RGMA: variants seen among roughly 807,000 people sequenced by gnomAD.
RGMA encodes repulsive guidance molecule BMP co-receptor a.
A neutral mutation model predicts 23.2 loss-of-function variants in RGMA; 10 were observed. The observed-to-expected ratio is 0.43, with a 90% CI of 0.27 to 0.73. The LOEUF is 0.73. RGMA is among the 30% of genes least tolerant of loss of function. The pLI, the probability that RGMA is intolerant of heterozygous loss-of-function variation, is 0.20. For missense variants in RGMA, 547 were observed against 630.5 expected (o/e 0.87, Z 1.42); for synonymous variants, 308 against 279.3 (o/e 1.10, Z -1.03).
intron 1 of RGMA, among the ~76,000 whole-genome samples, chr15:93,082,740 C>A (rs980956197): frequency 6.6e-6 from 1 of 152,196 alleles, no homozygotes; most frequent in Non-Finnish European, 1.5e-5. Context: ...ATCCTAGAGA[C>A]CAAAGAAATT....
rs768669460 is a variant in RGMA at position 93,045,733 on chromosome 15, G to T, written c.646-28C>A. On this transcript the variant is annotated intron_variant, in intron 3 of 3. Coordinates refer to ENST00000329082, the MANE Select transcript of RGMA (RefSeq NM_020211.3). The surrounding 1 kb of genome is among the most constrained non-coding windows in gnomAD (Gnocchi z 6.9). ...GCCGGGGAAAGGGGCAGAGGAGAGTGGGTGAGGCACAGTGGGAGGAGGCAC... is the reference window on the plus strand; with the variant it reads ...GCCGGGGAAAGGGGCAGAGGAGAGTTGGTGAGGCACAGTGGGAGGAGGCAC... 6.5e-6 allele frequency: 10 copies of T among 1,543,834 alleles called. No individual in the cohort carries two copies. Among genetic ancestry groups the T allele is most frequent in the South Asian group, 1.1e-5 (1 of 89,592 alleles).
intron 2 of RGMA, among the ~76,000 whole-genome samples, chr15:93,064,277 C>T (rs540019139): frequency 1.6e-4 from 25 of 152,360 alleles, no homozygotes; most frequent in South Asian, 8.3e-4. Context: ...AGATAAGCTA[C>T]TCCGAGTTCC....
chr15:93,057,222 A>G (rs2055028830), intron 2 of RGMA, among the ~76,000 whole-genome samples: 1 of 151,928 alleles, frequency 6.6e-6, no homozygotes, highest in South Asian at 2.1e-4. Flanking sequence ...CCACTACCTC[A>G]CTCACGCCCA....
intron 1 of RGMA, chr15:93,073,659 C>G: frequency 6.5e-7 from 1 of 1,537,252 alleles, no homozygotes; most frequent in Non-Finnish European, 8.7e-7. Flanking sequence ...CTGAAAAACC[C>G]ACTTCCGAGT....
At chr15:93,087,397 G>A (rs1429199725) in intron 1 of RGMA, among the ~76,000 whole-genome samples, 1 of 138,640 alleles carries the variant, frequency 7.2e-6, no homozygotes, top group African/African-American at 2.7e-5. Flanking sequence ...TGGAGATCAT[G>A]TCCCTGTAAA....
At chr15:93,073,874 C>G in intron 1 of RGMA, 2 of 1,464,912 alleles carry the variant, frequency 1.4e-6, no homozygotes, top group Non-Finnish European at 1.8e-6. Context: ...GCCACCTTGG[C>G]ACAGCTGCCA....
At chr15:93,080,537 T>C (rs932702458) in intron 1 of RGMA, among the ~76,000 whole-genome samples, 3 of 152,196 alleles carry the variant, frequency 2.0e-5, no homozygotes, top group Non-Finnish European at 2.9e-5. Context: ...AGATCACAGC[T>C]GCTCCCCAGG....
chr15:93,088,815 C>G, intron 1 of RGMA, 104 bp downstream of exon 1: 1 of 1,096,748 alleles, frequency 9.1e-7, no homozygotes, highest in Non-Finnish European at 1.3e-6. Context: ...CAAGATGAGA[C>G]GCGGGGCTAA....
In RGMA at chr15:93,039,794, A is replaced by G. The variant is rs1161915941; in HGVS notation, c.*5204T>C. 3 of 152,202 alleles carry G rather than the reference A, an allele frequency of 2.0e-5. No homozygotes were observed. Among genetic ancestry groups the G allele is most frequent in the African/African-American group, 7.2e-5 (3 of 41,404 alleles). The allele number at this position is 152,202 out of a possible 1,614,324, so 9.4% of individuals were successfully genotyped here. On this transcript the variant is annotated 3_prime_UTR_variant, in exon 4 of 4. Coordinates refer to ENST00000329082, the MANE Select transcript of RGMA (RefSeq NM_020211.3). ...CCACATTTTCTTTATCCAGTCTATC[A>G]TTGAGCCCATTATTTCTGATAATCG...
At chr15:93,060,929 C>T (rs879710505) in intron 2 of RGMA, among the ~76,000 whole-genome samples, 2 of 152,212 alleles carry the variant, frequency 1.3e-5, no homozygotes, top group Admixed American at 6.5e-5. Flanking sequence ...TTGTGATTGT[C>T]GAGGATGGCC....
chr15:93,065,702 G>A (rs1895121555), intron 2 of RGMA: 4 of 1,186,908 alleles, frequency 3.4e-6, no homozygotes, highest in South Asian at 1.2e-5. Context: ...GGGTGGTTTC[G>A]TGGGCCCTGG....
Position 93,038,250 on chromosome 15 carries a change from G to A in RGMA, c.*6748C>T, listed in dbSNP as rs1054217733. The A allele has an allele frequency of 6.6e-5, 10 of 152,246 alleles. No individual in the cohort carries two copies. Among genetic ancestry groups the A allele is most frequent in the Admixed American group, 2.6e-4 (4 of 15,282 alleles). 9.4% of individuals were successfully genotyped at this position (152,246 alleles called of 1,614,324 possible). ...AGGTCTGTAGACTCCTGGTTAGAGG[G>A]TTTGGGGGGCAGGGGTCTTCCCATT... On this transcript the variant is annotated 3_prime_UTR_variant, in exon 4 of 4. Coordinates refer to ENST00000329082, the MANE Select transcript of RGMA (RefSeq NM_020211.3).
rs545676471 is a variant in RGMA, at chr15:93,039,253, A to G, written c.*5745T>C. On this transcript the variant is annotated 3_prime_UTR_variant, in exon 4 of 4. Coordinates refer to ENST00000329082, the MANE Select transcript of RGMA (RefSeq NM_020211.3). ...AACCTGCTCCTCCCATGATCTTTCC[A>G]GTCATGGTAAATGGCACCACCATTT... The G allele has an allele frequency of 2.6e-5, 4 of 152,072 alleles. No individual in the cohort carries two copies. Among genetic ancestry groups the G allele is most frequent in the Non-Finnish European group, 5.9e-5 (4 of 67,970 alleles). 9.4% of individuals were successfully genotyped at this position (152,072 alleles called of 1,614,324 possible). A position where few individuals can be genotyped will look rare whatever the true frequency, so the allele number is the denominator to read the frequency against.
intron 1 of RGMA, 89 bp downstream of exon 1, chr15:93,088,830 G>T: frequency 8.1e-7 from 1 of 1,238,474 alleles, no homozygotes; most frequent in Non-Finnish European, 1.1e-6. Flanking sequence ...GGCTAAGGAA[G>T]ACCAAAGCAG....
chr15:93,047,960 T>A (rs1389674232), intron 3 of RGMA, among the ~76,000 whole-genome samples: 1 of 151,990 alleles, frequency 6.6e-6, no homozygotes, highest in East Asian at 1.9e-4. Flanking sequence ...GAAGGTGGGG[T>A]CTGGCCAGGA....
chr15:93,080,001 TTTG>T (rs1895532845), intron 1 of RGMA, among the ~76,000 whole-genome samples: 1 of 152,126 alleles, frequency 6.6e-6, no homozygotes, highest in Non-Finnish European at 1.5e-5. Flanking sequence ...TCACCTGAGC[TTTG>T]ATGCTCCTTC....
At chr15:93,056,714 G>A (rs1456622027) in intron 2 of RGMA, among the ~76,000 whole-genome samples, 1 of 152,226 alleles carries the variant, frequency 6.6e-6, no homozygotes, top group Admixed American at 6.5e-5. Context: ...AGGCCCTGAA[G>A]GGAGGTGTCT....
intron 1 of RGMA, among the ~76,000 whole-genome samples, chr15:93,077,258 A>T (rs1447975088): frequency 6.6e-6 from 1 of 152,202 alleles, no homozygotes; most frequent in South Asian, 2.1e-4. Context: ...TTCTTTTGGG[A>T]GACCACTGTG....
In RGMA at chr15:93,071,659, G is replaced by C. The variant is rs1240954683; in HGVS notation, c.130+1257C>G. Among the ~76,000 whole-genome samples the C allele has an allele frequency of 3.3e-5, 5 of 152,224 alleles. No homozygotes were observed. The East Asian group carries it at 9.6e-4, about 29-fold the overall frequency. The stretch of plus-strand genomic sequence containing the variant: ...GCTCCCTACTGTTCACTGTCTGCGT[G>C]GTCCGCCCATTGGGAGCCCCAACTC... On this transcript the variant is annotated intron_variant, in intron 2 of 3. Coordinates refer to ENST00000329082, the MANE Select transcript of RGMA (RefSeq NM_020211.3).
Sources: allele counts gnomAD v4.1 joint callset (sites outside exome capture counted in the v4.1 genomes callset), GRCh38; gene constraint gnomAD v4.1.1; non-coding constraint Gnocchi (gnomAD v3.1); transcripts MANE v1.5; gene names NCBI Gene and HGNC (gene_info 2026-07-23, HGNC 2026-07-21).